Variants in JMJD1C observed in about 807,000 individuals in gnomAD.
JMJD1C encodes the protein jumonji domain-containing protein 1C.
A neutral mutation model predicts 245.3 loss-of-function variants in JMJD1C; 31 were observed. That is an observed-to-expected ratio of 0.13 (90% confidence interval 0.09 to 0.17). The LOEUF (loss-of-function observed/expected upper bound fraction) is 0.17. Ranked by LOEUF, JMJD1C falls within the 10% of genes least tolerant of loss-of-function variation. JMJD1C has a pLI of 1.00. For missense variants in JMJD1C, 2,691 were observed against 3,000.2 expected, an observed-to-expected ratio of 0.90 and a Z score of 2.41; for synonymous variants, 1,057 against 1,017.4, an observed-to-expected ratio of 1.04 and a Z score of -0.74.
Position 63,208,742 on chromosome 10 carries a change from T to C in JMJD1C, c.2927A>G (p.Lys976Arg), listed in dbSNP as rs749123097. ...TGACCTATTTAGATCCAGGTCATTT[T>C]TGGCTGATGTGGATGCAACAGACCG... ...PLRSVASTSA[K>R]NDLDLNRSQT... is the part of the protein sequence containing the mutation. The change falls in exon 10 of 26, where the codon AAA (lysine) becomes AGA (arginine). Residue 976 changes from lysine (K) to arginine (R), a missense_variant. Coordinates refer to ENST00000399262, the MANE Select transcript of JMJD1C (RefSeq NM_032776.3). The C allele has an allele frequency of 6.2e-7, 1 of 1,613,730 alleles. No individual in the cohort carries two copies. Among genetic ancestry groups the C allele is most frequent in the South Asian group, 1.1e-5 (1 of 90,974 alleles).
At chr10:63,328,224 G>A (rs1460703017) in intron 2 of JMJD1C, among the ~76,000 whole-genome samples, 2 of 151,816 alleles carry the variant, frequency 1.3e-5, no homozygotes, top group African/African-American at 2.4e-5. Flanking sequence ...ACAGTAAGCC[G>A]AGATTGTGCC....
intron 1 of JMJD1C, among the ~76,000 whole-genome samples, chr10:63,414,111 C>T (rs1388565814): frequency 6.6e-6 from 1 of 151,754 alleles, no homozygotes; most frequent in Non-Finnish European, 1.5e-5. Context: ...CTCAGCCTCC[C>T]GAGTAGCTGG....
chr10:63,183,379 C>A, intron 22 of JMJD1C, 68 bp downstream of exon 22: 1 of 1,384,528 alleles, frequency 7.2e-7, no homozygotes, highest in South Asian at 1.4e-5. Context: ...AGCTGATATT[C>A]TGGACAATAC....
chr10:63,275,716 A>G (rs1174858194), intron 2 of JMJD1C, among the ~76,000 whole-genome samples: 1 of 152,238 alleles, frequency 6.6e-6, no homozygotes, highest in Non-Finnish European at 1.5e-5. Context: ...AACAAGTAAC[A>G]TAATTATATT....
At chr10:63,426,592 A>G (rs1271639878) in intron 1 of JMJD1C, among the ~76,000 whole-genome samples, 2 of 151,946 alleles carry the variant, frequency 1.3e-5, no homozygotes, top group East Asian at 3.9e-4. Flanking sequence ...AATCACCTGA[A>G]CCCAGGAGGC....
chr10:63,181,265 A>T (rs1251628618), intron 22 of JMJD1C, among the ~76,000 whole-genome samples: 1 of 152,186 alleles, frequency 6.6e-6, no homozygotes, highest in Non-Finnish European at 1.5e-5. Context: ...GGAAACTTTA[A>T]ATTGGTTTTC....
At chr10:63,183,221 A>T (rs1254809527) in intron 22 of JMJD1C, among the ~76,000 whole-genome samples, 1 of 152,244 alleles carries the variant, frequency 6.6e-6, no homozygotes, top group Admixed American at 6.5e-5. Flanking sequence ...ACTTAATGAT[A>T]GAAAAGAAGT....
chr10:63,459,229 G>C (rs1316735191), intron 1 of JMJD1C, among the ~76,000 whole-genome samples: 4 of 152,174 alleles, frequency 2.6e-5, no homozygotes, highest in African/African-American at 9.7e-5. Context: ...AATGAGTTTA[G>C]TCAATCAGGT....
chr10:63,344,889 GGATGCA>G (rs1181818872), intron 2 of JMJD1C, among the ~76,000 whole-genome samples: 1 of 152,086 alleles, frequency 6.6e-6, no homozygotes, highest in African/African-American at 2.4e-5. Context: ...GTTCTGGTGA[GGATGCA>G]GATCAACTGG....
chr10:63,407,832 CAG>C (rs1302507421), intron 1 of JMJD1C, among the ~76,000 whole-genome samples: 2 of 133,286 alleles, frequency 1.5e-5, no homozygotes, highest in African/African-American at 2.8e-5. Flanking sequence ...AAAAAAAAAA[CAG>C]AAAAAAATCT....
At chr10:63,186,141 T>C (rs902474712) in intron 19 of JMJD1C, 74 bp downstream of exon 19, 1 of 1,178,652 alleles carries the variant, frequency 8.5e-7, no homozygotes, top group Non-Finnish European at 1.2e-6. Context: ...ACTAAAAATC[T>C]GTTAAGTTAC....
intron 1 of JMJD1C, among the ~76,000 whole-genome samples, chr10:63,482,452 A>G (rs1230615013): frequency 6.6e-6 from 1 of 152,142 alleles, no homozygotes; most frequent in Non-Finnish European, 1.5e-5. Flanking sequence ...CCTGGACAAC[A>G]TGGCGAAACC....
chr10:63,399,521 T>C (rs988790597), intron 1 of JMJD1C, among the ~76,000 whole-genome samples: 1 of 152,200 alleles, frequency 6.6e-6, no homozygotes, highest in African/African-American at 2.4e-5. Flanking sequence ...CTTGATCTTT[T>C]ATTTCTCTTA....
chr10:63,454,257 A>ATTTT (rs112838462), intron 1 of JMJD1C, among the ~76,000 whole-genome samples: 10 of 146,064 alleles, frequency 6.8e-5, no homozygotes, highest in East Asian at 2.0e-4. Context: ...GGAGAAATTG[A>ATTTT]TTTTTTTTTT....
At chr10:63,474,604 C>T (rs558190529) in intron 1 of JMJD1C, among the ~76,000 whole-genome samples, 62 of 152,192 alleles carry the variant, frequency 4.1e-4, no homozygotes, top group Non-Finnish European at 7.6e-4. Context: ...GCATGTACCA[C>T]CACGTCCAGC....
chr10:63,420,872 A>C (rs904625282), intron 1 of JMJD1C, among the ~76,000 whole-genome samples: 1 of 116,470 alleles, frequency 8.6e-6, no homozygotes, highest in African/African-American at 6.7e-5. Context: ...CAAAACAAAC[A>C]AAATCAACAA....
intron 1 of JMJD1C, among the ~76,000 whole-genome samples, chr10:63,516,822 C>T: frequency 6.6e-6 from 1 of 152,168 alleles, no homozygotes; most frequent in Non-Finnish European, 1.5e-5. Flanking sequence ...TAATCAGAAC[C>T]TAATCTTTTT....
intron 2 of JMJD1C, among the ~76,000 whole-genome samples, chr10:63,376,837 G>C (rs891576887): frequency 1.3e-5 from 2 of 152,150 alleles, no homozygotes; most frequent in African/African-American, 2.4e-5. Context: ...ATGAAAAATG[G>C]TGCAGCCACT....
At chr10:63,348,697 G>T (rs1944065612) in intron 2 of JMJD1C, among the ~76,000 whole-genome samples, 1 of 152,140 alleles carries the variant, frequency 6.6e-6, no homozygotes, top group East Asian at 1.9e-4. Flanking sequence ...ATTGTTAGAG[G>T]TGGGGTCTAA....
Sources: gnomAD v4.1 joint callset for allele counts (sites outside exome capture counted in the v4.1 genomes callset) on GRCh38, gnomAD v4.1.1 for gene constraint, MANE v1.5 for transcripts, NCBI Gene and HGNC (gene_info 2026-07-23, HGNC 2026-07-21) for gene names.